Variants in PI4K2A observed in about 807,000 individuals in gnomAD.
PI4K2A encodes phosphatidylinositol 4-kinase type 2-alpha.
Under a neutral mutation model 55.0 loss-of-function variants are expected in PI4K2A, and 20 were observed. That is an observed-to-expected ratio of 0.36 (90% confidence interval 0.26 to 0.53). The LOEUF is 0.53. PI4K2A is among the 20% of genes least tolerant of loss of function. The pLI is 0.91. For synonymous variants in PI4K2A, 235 were observed against 258.5 expected, an observed-to-expected ratio of 0.91 and a Z score of 0.87; for missense variants, 463 against 637.1, an observed-to-expected ratio of 0.73 and a Z score of 2.94.
rs1554878117 is a variant in PI4K2A, at chr10:97,642,865, T to TTCTTTTTCTTTCTTTC, written c.435+1689_435+1690insCTTTTTCTTTCTTTCT. On this transcript the variant is annotated intron_variant, in intron 1 of 8. Coordinates refer to ENST00000370631, the Ensembl canonical transcript of PI4K2A. ...TTCCTTCCTTCCTTTCTTTCTTTCTTTTTCTTTCTTTCTTTCTTTCTTCCT... is the reference window on the plus strand; with the variant it reads ...TTCCTTCCTTCCTTTCTTTCTTTCTTTCTTTTTCTTTCTTTCTTTCTTTCTTTCTTTCTTTCTTCCT... 7.4e-5 allele frequency among the ~76,000 whole-genome samples: 4 copies of TTCTTTTTCTTTCTTTC among 53,696 alleles called. 1 individual carries two copies. Among genetic ancestry groups the TTCTTTTTCTTTCTTTC allele is most frequent in the Non-Finnish European group, 1.6e-4 (4 of 25,050 alleles). The allele number at this position is 53,696 out of a possible 152,430, so 35.2% of individuals were successfully genotyped here. A position where few individuals can be genotyped will look rare whatever the true frequency, so the allele number is the denominator to read the frequency against.
At chr10:97,653,507 C>T (rs949989254) in intron 2 of PI4K2A, among the ~76,000 whole-genome samples, 8 of 152,226 alleles carry the variant, frequency 5.3e-5, no homozygotes, top group Non-Finnish European at 7.3e-5. Context: ...CTATTCTAAT[C>T]GTTAGTGTCA....
At chr10:97,674,636 AT>A (rs1295285630) in exon 9 of PI4K2A, 1 of 152,148 alleles carries the variant, frequency 6.6e-6, no homozygotes, top group African/African-American at 2.4e-5. Flanking sequence ...CAATCTTCTC[AT>A]TTGTTCCTCT....
Position 97,656,218 on chromosome 10 carries a change from C to A in PI4K2A, c.637-67C>A. On this transcript the variant is annotated intron_variant, in intron 2 of 8. Coordinates refer to ENST00000370631, the Ensembl canonical transcript of PI4K2A. This position sits in a 1 kb window ranked among gnomAD's most constrained non-coding sequence, Gnocchi z 4.5. ...ATTTGTGAACATCAAGCTATTTATT[C>A]TCTGCCATAGTCTTCTGGTTCCTTA... 7.6e-7 allele frequency: 1 copy of A among 1,315,174 alleles called. No homozygotes were observed. Among genetic ancestry groups the A allele is most frequent in the Non-Finnish European group, 1.1e-6 (1 of 919,812 alleles). 81.5% of individuals were successfully genotyped at this position (1,315,174 alleles called of 1,614,324 possible).
intron 7 of PI4K2A, 126 bp downstream of exon 7, chr10:97,666,697 A>C: frequency 3.8e-6 from 3 of 786,074 alleles, no homozygotes; most frequent in Non-Finnish European, 6.0e-6. Context: ...TTAGCCAACG[A>C]ATAGCAAGAT....
At chr10:97,669,729 A>G (rs939927397) in intron 8 of PI4K2A, among the ~76,000 whole-genome samples, 3 of 152,208 alleles carry the variant, frequency 2.0e-5, no homozygotes, top group African/African-American at 7.2e-5. Context: ...CCCTGTCTAC[A>G]TAGCTGAGCC....
chr10:97,671,210 A>C (rs2041633492), intron 8 of PI4K2A, among the ~76,000 whole-genome samples: 1 of 152,120 alleles, frequency 6.6e-6, no homozygotes, highest in African/African-American at 2.4e-5. Flanking sequence ...AGAGAAGATA[A>C]ATGGTGGTGA....
intron 8 of PI4K2A, among the ~76,000 whole-genome samples, chr10:97,672,977 G>GTT (rs1039321295): frequency 7.2e-6 from 1 of 138,038 alleles, no homozygotes; most frequent in Non-Finnish European, 1.6e-5. Flanking sequence ...TGTTTTTTGT[G>GTT]TTTTTTTTTT....
At position 97,647,922 on chromosome 10, in the gene PI4K2A, T is replaced by TG. The variant is rs1554878399; in HGVS notation, c.436-3019_436-3018insG. The stretch of plus-strand genomic sequence containing the variant: ...GCCTTCAAGTTCTGCTTGCTTTTTT[T>TG]TTGTTGTTGTTGTTTAATTTTTCTT... On this transcript the variant is annotated intron_variant, in intron 1 of 8. Transcript: ENST00000370631. 2.6e-4 allele frequency among the ~76,000 whole-genome samples: 39 copies of TG among 151,034 alleles called. 1 individual carries two copies. The highest frequency in any genetic ancestry group is 9.3e-4 in the African/African-American group (38 of 40,990).
At chr10:97,657,205 C>G (rs942849502) in intron 4 of PI4K2A, among the ~76,000 whole-genome samples, 5 of 152,176 alleles carry the variant, frequency 3.3e-5, no homozygotes, top group Admixed American at 6.5e-5. Flanking sequence ...TACTCTTATC[C>G]TTGATCCCTA....
chr10:97,662,288 A>G (rs959742284), intron 4 of PI4K2A, among the ~76,000 whole-genome samples: 10 of 151,964 alleles, frequency 6.6e-5, no homozygotes, highest in African/African-American at 2.4e-4. Context: ...TATTCCTGTC[A>G]TCTTGTTTCT....
At chr10:97,666,389 C>T in intron 6 of PI4K2A, 49 bp from the exon 7 acceptor site, 3 of 1,584,930 alleles carry the variant, frequency 1.9e-6, no homozygotes, top group Non-Finnish European at 2.6e-6. Flanking sequence ...CACAGATGAG[C>T]AGGGACTTTT....
At chr10:97,668,214 C>G (rs2041618984) in intron 8 of PI4K2A, among the ~76,000 whole-genome samples, 1 of 152,184 alleles carries the variant, frequency 6.6e-6, no homozygotes, top group Non-Finnish European at 1.5e-5. Context: ...CATTTACTAC[C>G]TGTGAGATTT....
chr10:97,643,093 G>A (rs967600094), intron 1 of PI4K2A, among the ~76,000 whole-genome samples: 7 of 151,006 alleles, frequency 4.6e-5, no homozygotes, highest in African/African-American at 1.5e-4. Flanking sequence ...AGGGCTCAAG[G>A]TCCTCCCACT....
At chr10:97,663,316 A>G (rs1349396949) in intron 5 of PI4K2A, among the ~76,000 whole-genome samples, 4 of 152,174 alleles carry the variant, frequency 2.6e-5, no homozygotes, top group Non-Finnish European at 5.9e-5. Context: ...TTAAACCATG[A>G]ACCACTTTTC....
At chr10:97,663,037 T>A in intron 5 of PI4K2A, 69 bp downstream of exon 5, 1 of 1,039,232 alleles carries the variant, frequency 9.6e-7, no homozygotes, top group South Asian at 1.3e-5. Context: ...CATAAAATGG[T>A]CAGAGATGTA....
chr10:97,667,969 C>T (rs983659292), intron 8 of PI4K2A, among the ~76,000 whole-genome samples: 3 of 152,218 alleles, frequency 2.0e-5, no homozygotes, highest in African/African-American at 7.2e-5. Flanking sequence ...ATAGGTGCAA[C>T]TTACATTATT....
At chr10:97,671,602 A>T (rs1048104840) in intron 8 of PI4K2A, among the ~76,000 whole-genome samples, 4 of 152,110 alleles carry the variant, frequency 2.6e-5, no homozygotes, top group Non-Finnish European at 4.4e-5. Context: ...TTAGAAGGAG[A>T]ATCCAAATAA....
At chr10:97,662,916 A>G (rs2041592733) in exon 5 of PI4K2A, 1 of 1,606,924 alleles carries the variant, frequency 6.2e-7, no homozygotes, top group South Asian at 1.1e-5. Flanking sequence ...GATCGAGGCA[A>G]TGACAACTGG....
chr10:97,656,247 T>C lies in PI4K2A; in HGVS notation c.637-38T>C, dbSNP rs2041553540. The C allele has an allele frequency of 1.9e-6, 3 of 1,584,226 alleles. No individual in the cohort carries two copies. Among genetic ancestry groups the C allele is most frequent in the East Asian group, 4.5e-5 (2 of 44,432 alleles). Reference sequence around the variant, plus strand: ...GCCATAGTCTTCTGGTTCCTTAAACTTGACTCTAACCTTAGTATCTCTTCT... The same window carrying C: ...GCCATAGTCTTCTGGTTCCTTAAACCTGACTCTAACCTTAGTATCTCTTCT... On this transcript the variant is annotated intron_variant, in intron 2 of 8. Transcript: ENST00000370631. This position sits in a 1 kb window ranked among gnomAD's most constrained non-coding sequence, Gnocchi z 4.5.
Sources: allele counts gnomAD v4.1 joint callset (sites outside exome capture counted in the v4.1 genomes callset), GRCh38; gene constraint gnomAD v4.1.1; non-coding constraint Gnocchi (gnomAD v3.1); transcripts MANE v1.5; gene names NCBI Gene and HGNC (gene_info 2026-07-23, HGNC 2026-07-21).